ZNF609: variants seen among roughly 807,000 people sequenced by gnomAD.
The protein encoded by ZNF609 is zinc finger protein 609.
A neutral mutation model predicts 109.5 loss-of-function variants in ZNF609; 11 were observed. That is an observed-to-expected ratio of 0.10 (90% CI 0.06 to 0.17). The LOEUF is 0.17. Among genes scored for constraint, ZNF609 ranks in the 10% least tolerant of loss-of-function variants. The pLI, the probability that ZNF609 is intolerant of heterozygous loss-of-function variation, is 1.00. For missense variants in ZNF609, 1,559 were observed against 1,772.4 expected, an observed-to-expected ratio of 0.88 and a Z score of 2.16; for synonymous variants, 646 against 662.0, an observed-to-expected ratio of 0.98 and a Z score of 0.37.
At chr15:64,661,613 TC>T (rs1896577927) in intron 3 of ZNF609, among the ~76,000 whole-genome samples, 1 of 152,190 alleles carries the variant, frequency 6.6e-6, no homozygotes, top group Non-Finnish European at 1.5e-5. Context: ...ACTGGAATAT[TC>T]AGGTACACTT....
At chr15:64,610,658 A>T (rs1895701750) in intron 2 of ZNF609, among the ~76,000 whole-genome samples, 1 of 151,512 alleles carries the variant, frequency 6.6e-6, no homozygotes, top group South Asian at 2.1e-4. Flanking sequence ...TAAAATAATA[A>T]TTTTTTTTTA....
chr15:64,497,049 A>G (rs139256603), intron 1 of ZNF609, among the ~76,000 whole-genome samples: 1 of 152,324 alleles, frequency 6.6e-6, no homozygotes, highest in African/African-American at 2.4e-5. Flanking sequence ...TCCTGGGCTC[A>G]AGTGATTCTC....
At chr15:64,480,664 G>T (rs1397069157) in intron 1 of ZNF609, among the ~76,000 whole-genome samples, 1 of 152,152 alleles carries the variant, frequency 6.6e-6, no homozygotes, top group East Asian at 1.9e-4. Flanking sequence ...GGCAGCAAGT[G>T]ATTATTATAA....
At chr15:64,646,197 A>C (rs1896331140) in intron 3 of ZNF609, among the ~76,000 whole-genome samples, 1 of 152,194 alleles carries the variant, frequency 6.6e-6, no homozygotes, top group African/African-American at 2.4e-5. Flanking sequence ...TTATTCAGCA[A>C]ACAAAAAGAA....
intron 2 of ZNF609, among the ~76,000 whole-genome samples, chr15:64,593,566 G>A (rs111359879): frequency 0.046 from 7,044 of 152,048 alleles, 541 homozygotes; most frequent in African/African-American, 0.16. Context: ...TTGTTCTCTC[G>A]CCCAGGCTGG....
chr15:64,676,237 C>G lies in ZNF609; in HGVS notation c.3383C>G (p.Pro1128Arg). 2 of 1,610,982 alleles carry G rather than the reference C, an allele frequency of 1.2e-6. No individual in the cohort carries two copies. Among genetic ancestry groups the G allele is most frequent in the Non-Finnish European group, 1.7e-6 (2 of 1,178,692 alleles). The change falls in exon 5 of 10, where the codon CCA becomes CGA. Residue 1128 changes from proline (P) to arginine (R), a missense_variant. Coordinates refer to ENST00000326648, the MANE Select transcript of ZNF609 (RefSeq NM_015042.2). The stretch of plus-strand genomic sequence containing the variant: ...TGTGGTCGACAGGCAGAGATGGATC[C>G]AATACTCTGGTACCGACAGGTAACT... ...AECGRQAEMD[P>R]ILWYRQEAEP...
intron 3 of ZNF609, among the ~76,000 whole-genome samples, chr15:64,645,177 A>C (rs956037422): frequency 7.7e-6 from 1 of 129,066 alleles, no homozygotes; most frequent in Middle Eastern, 7.8e-3. Flanking sequence ...AGCCACCTCC[A>C]TCTCCTGAGC....
chr15:64,555,739 G>A (rs1403993854), intron 2 of ZNF609, among the ~76,000 whole-genome samples: 7 of 151,802 alleles, frequency 4.6e-5, no homozygotes, highest in East Asian at 2.0e-4. Context: ...AAAATTAGCC[G>A]GGCATGGTGG....
chr15:64,609,128 C>CTTTCT lies in ZNF609; in HGVS notation c.748-13696_748-13695insCTTTT, dbSNP rs1555422636. On this transcript the variant is annotated intron_variant, in intron 2 of 9. Transcript: ENST00000326648. ...TCTTTCTTTCTTTCTTTCTTTCTTT[C>CTTTCT]TTTTTTTCTTTCTTTTTTTTCTCTC... 6.9e-5 allele frequency among the ~76,000 whole-genome samples: 7 copies of CTTTCT among 101,130 alleles called. No homozygotes were observed. The South Asian group carries it at 2.2e-3, about 32-fold the overall frequency. The allele number at this position is 101,130 out of a possible 152,430, so 66.3% of individuals were successfully genotyped here.
Position 64,500,030 on chromosome 15 carries a change from T to C in ZNF609, c.611T>C (p.Val204Ala). The C allele has an allele frequency of 6.2e-7, 1 of 1,613,822 alleles. No homozygotes were observed. Among genetic ancestry groups the C allele is most frequent in the South Asian group, 1.1e-5 (1 of 91,052 alleles). The change falls in exon 2 of 10, where the codon GTG becomes GCG. Residue 204 changes from valine to alanine, a missense_variant. By Grantham distance (64) the Val-to-Ala change is moderately conservative. Transcript: ENST00000326648. ...GGTCAGTATGATGGAAGTGCAGGGGTGGATACAGGAGCTGTGGAGCCACTT... is the reference window on the plus strand; with the variant it reads ...GGTCAGTATGATGGAAGTGCAGGGGCGGATACAGGAGCTGTGGAGCCACTT... ...RGGQYDGSAG[V>A]DTGAVEPLGS...
chr15:64,601,448 A>G (rs986677126), intron 2 of ZNF609, among the ~76,000 whole-genome samples: 12 of 152,246 alleles, frequency 7.9e-5, no homozygotes, highest in African/African-American at 2.9e-4. Flanking sequence ...ACTAAGACTC[A>G]TACCTAAGGA....
At chr15:64,610,625 G>T (rs1895701323) in intron 2 of ZNF609, among the ~76,000 whole-genome samples, 1 of 152,096 alleles carries the variant, frequency 6.6e-6, no homozygotes. Flanking sequence ...TCCGGCCTGG[G>T]TGAAAGAGCA....
In ZNF609 at chr15:64,607,873, TTCTTTCTTCTTTCTTTTCTTTC is replaced by T. The variant is rs1567027770; in HGVS notation, c.748-14952_748-14931del. Among the ~76,000 whole-genome samples the T allele has an allele frequency of 2.1e-3, 78 of 37,102 alleles. 1 individual carries two copies. Among genetic ancestry groups the T allele is most frequent in the African/African-American group, 3.9e-3 (66 of 17,106 alleles). The allele number at this position is 37,102 out of a possible 152,430, so 24.3% of individuals were successfully genotyped here. On this transcript the variant is annotated intron_variant, in intron 2 of 9. Transcript: ENST00000326648. ...TTTCTTTCTTTCTTTCTTTCTTTCT[TTCTTTCTTCTTTCTTTTCTTTC>T]TTTTTTTTTTTTTTTTTTTTTGAGA...
intron 3 of ZNF609, among the ~76,000 whole-genome samples, chr15:64,661,317 C>G (rs952596090): frequency 6.6e-6 from 1 of 152,154 alleles, no homozygotes. Context: ...TCTTTCTCCT[C>G]TTATCTGAAT....
intron 1 of ZNF609, among the ~76,000 whole-genome samples, chr15:64,475,323 G>A (rs537446968): frequency 6.7e-6 from 1 of 149,476 alleles, no homozygotes; most frequent in East Asian, 2.0e-4. Context: ...CTCCAGAATT[G>A]ATTTCATCCT....
At chr15:64,522,567 T>C (rs1486243940) in intron 2 of ZNF609, among the ~76,000 whole-genome samples, 1 of 152,230 alleles carries the variant, frequency 6.6e-6, no homozygotes, top group African/African-American at 2.4e-5. Context: ...TTATCTTCAT[T>C]TGTGATTGTC....
At chr15:64,591,541 A>G (rs1476852396) in intron 2 of ZNF609, among the ~76,000 whole-genome samples, 2 of 152,068 alleles carry the variant, frequency 1.3e-5, no homozygotes, top group Non-Finnish European at 2.9e-5. Flanking sequence ...TTACTTGCTT[A>G]TATGTAGGAC....
intron 2 of ZNF609, among the ~76,000 whole-genome samples, chr15:64,602,716 C>CTTTTTT (rs10600561): frequency 2.0e-4 from 11 of 55,596 alleles, no homozygotes; most frequent in African/African-American, 4.6e-4. Context: ...TTTTTTCTTT[C>CTTTTTT]TTTTTTTTTT....
intron 2 of ZNF609, among the ~76,000 whole-genome samples, chr15:64,590,452 G>T (rs941081727): frequency 1.3e-5 from 2 of 151,908 alleles, no homozygotes; most frequent in African/African-American, 4.8e-5. Context: ...TTCCTGAGTA[G>T]CTGGGATTAA....
Sources: gnomAD v4.1 joint callset for allele counts (sites outside exome capture counted in the v4.1 genomes callset) on GRCh38, gnomAD v4.1.1 for gene constraint, MANE v1.5 for transcripts, NCBI Gene and HGNC (gene_info 2026-07-23, HGNC 2026-07-21) for gene names.